GPC5: variants seen among roughly 807,000 people sequenced by gnomAD.
GPC5 encodes glypican-5.
In GPC5, 47 loss-of-function variants were observed where a neutral mutation model predicts 53.9. The ratio of observed to expected loss-of-function variants is 0.87; its 90% confidence interval spans 0.69 to 1.11. The LOEUF (loss-of-function observed/expected upper bound fraction) is 1.11, where lower values mean the gene tolerates loss of function less well. Ranked by LOEUF, GPC5 falls within the 50% of genes most tolerant of loss-of-function variation. GPC5 has a pLI of 0.00. For missense variants in GPC5, 748 were observed against 713.1 expected, an observed-to-expected ratio of 1.05 and a Z score of -0.56; for synonymous variants, 286 against 263.3, an observed-to-expected ratio of 1.09 and a Z score of -0.84.
intron 7 of GPC5, among the ~76,000 whole-genome samples, chr13:92,787,506 G>T (rs1421014638): frequency 6.6e-6 from 1 of 151,342 alleles, no homozygotes; most frequent in African/African-American, 2.4e-5. Context: ...AAATTAGAAG[G>T]TAATAAACTT....
intron 3 of GPC5, among the ~76,000 whole-genome samples, chr13:91,702,817 T>A (rs2036022019): frequency 6.6e-6 from 1 of 152,014 alleles, no homozygotes; most frequent in South Asian, 2.1e-4. Flanking sequence ...TTTCATCAAT[T>A]TTTATAGTTT....
chr13:91,596,702 T>C lies in GPC5; in HGVS notation c.326-96485T>C, dbSNP rs1446996226. Among the ~76,000 whole-genome samples, 4 of 152,154 alleles carry C rather than the reference T, an allele frequency of 2.6e-5. No homozygotes were observed. In the East Asian group the frequency reaches 7.7e-4, roughly 29 times the overall value. ...GACAAGAATTATGTTTAGTATAAGG[T>C]TAATTTTTCCTTACCACAAGGCAAG... is the stretch of plus-strand genomic sequence containing the variant. On this transcript the variant is annotated intron_variant, in intron 2 of 7. Transcript: ENST00000377067.
intron 5 of GPC5, among the ~76,000 whole-genome samples, chr13:91,866,081 T>G (rs2138921251): frequency 6.6e-6 from 1 of 152,306 alleles, no homozygotes; most frequent in East Asian, 1.9e-4. Flanking sequence ...TTGGTCAGGC[T>G]GGTCTCGAAC....
intron 7 of GPC5, among the ~76,000 whole-genome samples, chr13:92,766,318 A>G (rs1033026931): frequency 2.0e-5 from 3 of 151,918 alleles, no homozygotes; most frequent in Admixed American, 2.0e-4. Context: ...CTGCATGTAG[A>G]TCTTTCATAA....
chr13:91,797,988 G>A (rs191156744), intron 5 of GPC5, among the ~76,000 whole-genome samples: 17 of 152,282 alleles, frequency 1.1e-4, no homozygotes, highest in African/African-American at 4.1e-4. Context: ...GGAAAGTACA[G>A]GTTAGGGAGA....
At chr13:92,338,588 C>T (rs984727705) in intron 7 of GPC5, among the ~76,000 whole-genome samples, 7 of 151,924 alleles carry the variant, frequency 4.6e-5, no homozygotes, top group Non-Finnish European at 1.0e-4. Flanking sequence ...AGCTGTCAAG[C>T]CATGGAAAGA....
chr13:92,226,961 C>T (rs2042491493), intron 7 of GPC5, among the ~76,000 whole-genome samples: 1 of 152,074 alleles, frequency 6.6e-6, no homozygotes, highest in Non-Finnish European at 1.5e-5. Context: ...CCAGAAAGTC[C>T]CTGAACTGGG....
At chr13:92,580,413 TTATG>T (rs1423882298) in intron 7 of GPC5, among the ~76,000 whole-genome samples, 7 of 152,178 alleles carry the variant, frequency 4.6e-5, no homozygotes, top group Non-Finnish European at 8.8e-5. Flanking sequence ...ATTTTAATAA[TTATG>T]TATAGTATAC....
At chr13:91,718,820 A>G (rs566220973) in intron 3 of GPC5, among the ~76,000 whole-genome samples, 66 of 152,022 alleles carry the variant, frequency 4.3e-4, no homozygotes, top group Non-Finnish European at 3.1e-4. Flanking sequence ...CTCCTATACC[A>G]CTCATGGCTT....
chr13:92,791,242 A>G (rs1876449632), intron 7 of GPC5, among the ~76,000 whole-genome samples: 1 of 152,120 alleles, frequency 6.6e-6, no homozygotes. Flanking sequence ...CACAATTTTA[A>G]GATAATTTTT....
intron 7 of GPC5, among the ~76,000 whole-genome samples, chr13:92,320,937 A>G (rs575999427): frequency 6.6e-6 from 1 of 152,296 alleles, no homozygotes; most frequent in Non-Finnish European, 1.5e-5. Context: ...ACCCTTGGCA[A>G]TAAATCCCTG....
chr13:92,143,122 TATA>T (rs1213208297), intron 6 of GPC5, among the ~76,000 whole-genome samples: 1 of 152,134 alleles, frequency 6.6e-6, no homozygotes, highest in Non-Finnish European at 1.5e-5. Context: ...TTGTCCCTAT[TATA>T]GATTTGAGGA....
chr13:92,036,222 T>C (rs910935925), intron 6 of GPC5, among the ~76,000 whole-genome samples: 7 of 152,204 alleles, frequency 4.6e-5, no homozygotes, highest in African/African-American at 1.2e-4. Flanking sequence ...GCTATGAATT[T>C]GACATATTAA....
intron 7 of GPC5, among the ~76,000 whole-genome samples, chr13:92,827,023 T>C (rs1158999531): frequency 6.6e-6 from 1 of 152,182 alleles, no homozygotes; most frequent in Admixed American, 6.5e-5. Flanking sequence ...TTGCTTTTCA[T>C]GTCACAGAAT....
intron 6 of GPC5, among the ~76,000 whole-genome samples, chr13:92,136,390 A>G (rs1394600431): frequency 1.3e-5 from 2 of 152,196 alleles, no homozygotes; most frequent in African/African-American, 4.8e-5. Context: ...ATGATATATT[A>G]TTTAAAGATG....
intron 1 of GPC5, among the ~76,000 whole-genome samples, chr13:91,444,667 G>C (rs1024467777): frequency 2.1e-4 from 32 of 152,064 alleles, no homozygotes; most frequent in Non-Finnish European, 4.6e-4. Flanking sequence ...TTGAATCCCT[G>C]TTCTGTTGAA....
At chr13:92,433,824 C>T (rs909316318) in intron 7 of GPC5, among the ~76,000 whole-genome samples, 13 of 152,182 alleles carry the variant, frequency 8.5e-5, no homozygotes, top group East Asian at 5.8e-4. Flanking sequence ...GTACAGAAAA[C>T]GGTGACACCT....
chr13:92,200,104 A>G (rs1471855905), intron 7 of GPC5, among the ~76,000 whole-genome samples: 4 of 152,204 alleles, frequency 2.6e-5, no homozygotes, highest in Non-Finnish European at 4.4e-5. Flanking sequence ...ATGTAAGAAC[A>G]TACCAGGAAA....
At chr13:91,898,323 A>G (rs1280347587) in intron 5 of GPC5, among the ~76,000 whole-genome samples, 3 of 152,192 alleles carry the variant, frequency 2.0e-5, no homozygotes, top group Non-Finnish European at 4.4e-5. Flanking sequence ...CAATATGCAG[A>G]TACTATTTTA....
Sources: gnomAD v4.1 joint callset for allele counts (sites outside exome capture counted in the v4.1 genomes callset) on GRCh38, gnomAD v4.1.1 for gene constraint, MANE v1.5 for transcripts, NCBI Gene and HGNC (gene_info 2026-07-23, HGNC 2026-07-21) for gene names.